The following STAT1 variants were observed in gnomAD, a reference collection of about 807,000 sequenced individuals.
STAT1 encodes signal transducer and activator of transcription 1-alpha/beta.
A neutral mutation model predicts 111.7 loss-of-function variants in STAT1; 24 were observed. The ratio of observed to expected loss-of-function variants is 0.21; its 90% CI spans 0.16 to 0.30. The LOEUF is 0.30. Among genes scored for constraint, STAT1 ranks in the 10% least tolerant of loss-of-function variants. The probability of loss-of-function intolerance (pLI) is 1.00; values close to 1 mark genes in which losing one functional copy is unlikely to be tolerated. For missense variants in STAT1, 351 were observed against 911.9 expected (o/e 0.38, Z 7.92); for synonymous variants, 332 against 326.5 (o/e 1.02, Z -0.18).
chr2:191,006,167 C>A lies in STAT1; in HGVS notation c.372+1396G>T, dbSNP rs1559023875. Among the ~76,000 whole-genome samples, 1 of 152,190 alleles carries A rather than the reference C, an allele frequency of 6.6e-6. No individual in the cohort carries two copies. The highest frequency in any genetic ancestry group is 1.5e-5 in the Non-Finnish European group (1 of 68,032). ...TGTCCTTTCAAGTCTATTAGAAATA[C>A]AGAGGAGGCCCACGCATACTACTTT... On this transcript the variant is annotated intron_variant, in intron 5 of 24. Coordinates refer to ENST00000361099, the MANE Select transcript of STAT1 (RefSeq NM_007315.4). This position sits in a 1 kb window ranked among gnomAD's most constrained non-coding sequence, Gnocchi z 4.6.
At position 190,982,536 on chromosome 2, in the gene STAT1, A is replaced by C; in HGVS notation, c.1447-18T>G. On this transcript the variant is annotated intron_variant, in intron 17 of 24. Transcript: ENST00000361099. The surrounding 1 kb of genome is among the most constrained non-coding windows in gnomAD (Gnocchi z 7.3). ...GACAGATTCTAGAGAGAAAACACCCAAAATCTAAGGGTTACTACAGAGACA... is the reference window on the plus strand; with the variant it reads ...GACAGATTCTAGAGAGAAAACACCCCAAATCTAAGGGTTACTACAGAGACA... The C allele has an allele frequency of 2.5e-6, 4 of 1,613,988 alleles. No individual in the cohort carries two copies. The highest frequency in any genetic ancestry group is 2.2e-5 in the East Asian group (1 of 44,878).
At position 190,981,702 on chromosome 2, in the gene STAT1, A is replaced by G. The variant is rs1226021843; in HGVS notation, c.1582+681T>C. 2.0e-5 allele frequency among the ~76,000 whole-genome samples: 3 copies of G among 152,264 alleles called. No homozygotes were observed. Reference sequence around the variant, plus strand: ...GTAAATGCAGTGCTGCTCTACAGAAAGCAAATCTGGATACAAGTTGTCCAC... The same window carrying G: ...GTAAATGCAGTGCTGCTCTACAGAAGGCAAATCTGGATACAAGTTGTCCAC... On this transcript the variant is annotated intron_variant, in intron 18 of 24. Coordinates refer to ENST00000361099, the MANE Select transcript of STAT1 (RefSeq NM_007315.4). The surrounding 1 kb of genome is among the most constrained non-coding windows in gnomAD (Gnocchi z 4.1).
chr2:191,003,441 T>C lies in STAT1; in HGVS notation c.373-2278A>G, dbSNP rs1694433855. ...ATCTCATGAATTGTAATCCCCATTG[T>C]TGGAGGTGGGGCCTGGTGGAAGGTG... On this transcript the variant is annotated intron_variant, in intron 5 of 24. Coordinates refer to ENST00000361099, the MANE Select transcript of STAT1 (RefSeq NM_007315.4). The surrounding 1 kb of genome is among the most constrained non-coding windows in gnomAD (Gnocchi z 4.0). 1.3e-5 allele frequency among the ~76,000 whole-genome samples: 2 copies of C among 152,206 alleles called. No individual in the cohort carries two copies. Among genetic ancestry groups the C allele is most frequent in the Admixed American group, 6.5e-5 (1 of 15,290 alleles).
chr2:190,974,869 C>T lies in STAT1; in HGVS notation c.2199G>A (p.Glu733=), dbSNP rs200324855. The T allele has an allele frequency of 6.2e-7, 1 of 1,614,198 alleles. No homozygotes were observed. Among genetic ancestry groups the T allele is most frequent in the East Asian group, 2.2e-5 (1 of 44,882 alleles). Reference sequence around the variant, plus strand: ...CTACAGAGCCCACTATCCGAGACACCTCGTCAAACTCCTCAGGAGACATGG... The same window carrying T: ...CTACAGAGCCCACTATCCGAGACACTTCGTCAAACTCCTCAGGAGACATGG... The part of the protein sequence containing the change: ...LLPMSPEEFD[E]VSRIVGSVEF... Residue 733 remains glutamate (E), a synonymous_variant, in exon 24 of 25, where the codon GAG becomes GAA. Transcript: ENST00000361099. The surrounding 1 kb of genome is among the most constrained non-coding windows in gnomAD (Gnocchi z 4.8).
chr2:191,010,958 A>C (rs913611243), intron 2 of STAT1, among the ~76,000 whole-genome samples: 1 of 152,240 alleles, frequency 6.6e-6, no homozygotes, highest in Non-Finnish European at 1.5e-5. Flanking sequence ...CTTAGGATTT[A>C]TATCAGCACA....
chr2:190,998,107 C>A lies in STAT1; in HGVS notation c.634-100G>T, dbSNP rs1693988023. The A allele has an allele frequency of 7.0e-6, 11 of 1,565,584 alleles. No homozygotes were observed. The highest frequency in any genetic ancestry group is 9.6e-6 in the Non-Finnish European group (11 of 1,142,330). ...AAAGCAAATATCATTTCATTCTCAA[C>A]TGGGGCTCTAAGCCAGGTGGCTATA... On this transcript the variant is annotated intron_variant, in intron 8 of 24. Transcript: ENST00000361099. The surrounding 1 kb of genome is among the most constrained non-coding windows in gnomAD (Gnocchi z 4.1).
rs2125054552 is a variant in STAT1, at chr2:190,993,357, C to T, written c.944+1704G>A. 9.3e-7 allele frequency: 1 copy of T among 1,080,750 alleles called. No individual in the cohort carries two copies. The highest frequency in any genetic ancestry group is 1.4e-6 in the Non-Finnish European group (1 of 719,698). 66.9% of individuals were successfully genotyped at this position (1,080,750 alleles called of 1,614,324 possible). ...CTGGAGATGACTGTTCGAAACCTTT[C>T]CTGTTCTGCTGTGTTCCATATTTGA... On this transcript the variant is annotated intron_variant, in intron 10 of 24. Transcript: ENST00000361099. This position sits in a 1 kb window ranked among gnomAD's most constrained non-coding sequence, Gnocchi z 4.1.
intron 12 of STAT1, among the ~76,000 whole-genome samples, chr2:190,988,561 G>T (rs4853534): frequency 6.6e-6 from 1 of 151,864 alleles, no homozygotes; most frequent in Non-Finnish European, 1.5e-5. Context: ...TGTATTTTTC[G>T]TAGAGACGGG....
chr2:191,001,033 G>A (rs1559020982), intron 6 of STAT1, 41 bp downstream of exon 6: 1 of 1,494,880 alleles, frequency 6.7e-7, no homozygotes, highest in Non-Finnish European at 9.3e-7. Flanking sequence ...TTCCCCTACA[G>A]AAAGTTTCAG....
rs146239913 is a variant in STAT1 at position 190,971,212 on chromosome 2, C to G, written c.2239-495G>C. On this transcript the variant is annotated intron_variant, in intron 24 of 24. Coordinates refer to ENST00000361099, the MANE Select transcript of STAT1 (RefSeq NM_007315.4). The surrounding 1 kb of genome is among the most constrained non-coding windows in gnomAD (Gnocchi z 4.1). Reference sequence around the variant, plus strand: ...TCACCTTCCCCACCAGTGCCTTCTGCCCAGCTGCCTTGACCAGGACAACTT... The same window carrying G: ...TCACCTTCCCCACCAGTGCCTTCTGGCCAGCTGCCTTGACCAGGACAACTT... 6.6e-6 allele frequency among the ~76,000 whole-genome samples: 1 copy of G among 152,340 alleles called. No homozygotes were observed. The highest frequency in any genetic ancestry group is 2.4e-5 in the African/African-American group (1 of 41,582).
In STAT1 at chr2:190,973,889, C is replaced by T. The variant is rs554715814; in HGVS notation, c.2238+941G>A. 6.6e-6 allele frequency among the ~76,000 whole-genome samples: 1 copy of T among 152,094 alleles called. No homozygotes were observed. The highest frequency in any genetic ancestry group is 6.5e-5 in the Admixed American group (1 of 15,276). ...TGAATCCAGGCAGATCTTACTGAGG[C>T]CTTATCATCGCATTCCCCAAATGTC... is the stretch of plus-strand genomic sequence containing the variant. On this transcript the variant is annotated intron_variant, in intron 24 of 24. Transcript: ENST00000361099. The surrounding 1 kb of genome is among the most constrained non-coding windows in gnomAD (Gnocchi z 4.4).
intron 10 of STAT1, among the ~76,000 whole-genome samples, chr2:190,994,778 G>A (rs1693686940): frequency 6.6e-6 from 1 of 151,588 alleles, no homozygotes; most frequent in African/African-American, 2.4e-5. Context: ...TAGCCAGGTG[G>A]GGTGGCATGC....
rs375185813 is a variant in STAT1 at position 190,997,888 on chromosome 2, C to T, written c.753G>A (p.Pro251=). 44 of 1,614,068 alleles carry T rather than the reference C, an allele frequency of 2.7e-5. No homozygotes were observed. Among genetic ancestry groups the T allele is most frequent in the Non-Finnish European group, 3.4e-5 (40 of 1,180,044 alleles). The part of the protein sequence containing the change: ...RRQQSACIGG[P]PNACLDQLQN... ...GCAGCTGATCCAAGCAAGCATTGGG[C>T]GGCCCCCCAATACAGGCGCTCTGCT... The change falls in exon 9 of 25, where the codon CCG becomes CCA. Residue 251 remains proline (P), a synonymous_variant. Transcript: ENST00000361099. The surrounding 1 kb of genome is among the most constrained non-coding windows in gnomAD (Gnocchi z 7.3).
Position 190,996,532 on chromosome 2 carries a change from G to A in STAT1, c.786-1313C>T, listed in dbSNP as rs540554679. Among the ~76,000 whole-genome samples the A allele has an allele frequency of 1.8e-4, 28 of 152,206 alleles. No homozygotes were observed. The South Asian group carries it at 5.6e-3, about 30-fold the overall frequency. On this transcript the variant is annotated intron_variant, in intron 9 of 24. Transcript: ENST00000361099. This position sits in a 1 kb window ranked among gnomAD's most constrained non-coding sequence, Gnocchi z 4.5. ...CCTACAAGAGGCTCCTGTGGTCTAG[G>A]AGGACCACTAGGGGGCTCTAAACAC...
At chr2:191,013,773 A>C in intron 1 of STAT1, 95 bp from the exon 2 acceptor site, 1 of 398,268 alleles carries the variant, frequency 2.5e-6, no homozygotes. Flanking sequence ...GAGGAAAATT[A>C]TATTTCACAA....
intron 4 of STAT1, chr2:191,008,114 C>A: frequency 2.4e-6 from 1 of 415,266 alleles, no homozygotes. Context: ...GTTTGCAAAA[C>A]ACTACCAATA....
chr2:190,981,024 C>G lies in STAT1; in HGVS notation c.1583-355G>C, dbSNP rs1001286475. On this transcript the variant is annotated intron_variant, in intron 18 of 24. Transcript: ENST00000361099. The surrounding 1 kb of genome is among the most constrained non-coding windows in gnomAD (Gnocchi z 4.1). ...CTCTCCCTCCCCAGCCCCCCTTTTC[C>G]CTCCCTCCTCTAAAGAGAGGACAGT... 1.3e-5 allele frequency among the ~76,000 whole-genome samples: 2 copies of G among 149,470 alleles called. No individual in the cohort carries two copies. The highest frequency in any genetic ancestry group is 3.0e-5 in the Non-Finnish European group (2 of 67,704).
At position 191,003,632 on chromosome 2, in the gene STAT1, A is replaced by G. The variant is rs116572219; in HGVS notation, c.373-2469T>C. 4.7e-3 allele frequency among the ~76,000 whole-genome samples: 709 copies of G among 152,256 alleles called. 3 individuals carry two copies. Among genetic ancestry groups the G allele is most frequent in the African/African-American group, 8.7e-3 (361 of 41,538 alleles). On this transcript the variant is annotated intron_variant, in intron 5 of 24. Coordinates refer to ENST00000361099, the MANE Select transcript of STAT1 (RefSeq NM_007315.4). The surrounding 1 kb of genome is among the most constrained non-coding windows in gnomAD (Gnocchi z 4.0). ...GTGTGCTTCCCCTTCACCTGCTGCT[A>G]TGACTGTAAGTTTCCTGAGGCCTCC...
Position 190,989,512 on chromosome 2 carries a change from C to A in STAT1, c.1097+103G>T. ...AACTTCCACCCAGTATAGACCCTTC[C>A]ACAGCTAGAAATCTGCTTATTTAGT... On this transcript the variant is annotated intron_variant, in intron 12 of 24. Transcript: ENST00000361099. The surrounding 1 kb of genome is among the most constrained non-coding windows in gnomAD (Gnocchi z 5.0). 1.2e-6 allele frequency: 1 copy of A among 834,560 alleles called. No homozygotes were observed. The highest frequency in any genetic ancestry group is 1.9e-6 in the Non-Finnish European group (1 of 522,250). The allele number at this position is 834,560 out of a possible 1,614,324, so 51.7% of individuals were successfully genotyped here.
Sources: gnomAD v4.1 joint callset for allele counts (sites outside exome capture counted in the v4.1 genomes callset) on GRCh38, gnomAD v4.1.1 for gene constraint, Gnocchi (gnomAD v3.1) non-coding constraint, MANE v1.5 for transcripts, NCBI Gene and HGNC (gene_info 2026-07-23, HGNC 2026-07-21) for gene names.